Variants in TEX36 observed in about 807,000 individuals in gnomAD.
TEX36 encodes testis-expressed protein 36.
A neutral mutation model predicts 13.6 loss-of-function variants in TEX36; 12 were observed. The ratio of observed to expected loss-of-function variants is 0.88; its 90% CI spans 0.56 to 1.43. The LOEUF is 1.43. Among genes scored for constraint, TEX36 ranks in the 40% most tolerant of loss-of-function variants. The pLI is 0.00. For synonymous variants in TEX36, 93 were observed against 83.0 expected, an observed-to-expected ratio of 1.12 and a Z score of -0.65; for missense variants, 224 against 228.3, an observed-to-expected ratio of 0.98 and a Z score of 0.12.
chr10:125,594,296 T>A (rs1404166151), intron 3 of TEX36, among the ~76,000 whole-genome samples: 2 of 152,232 alleles, frequency 1.3e-5, no homozygotes, highest in African/African-American at 4.8e-5. Flanking sequence ...AAGCATTTTT[T>A]AAATGTCCCA....
In TEX36 at chr10:125,601,891, C is replaced by T. The variant is rs77109073; in HGVS notation, c.265-25017G>A. 2.7e-4 allele frequency among the ~76,000 whole-genome samples: 41 copies of T among 152,306 alleles called. 1 individual carries two copies. In the East Asian group the frequency reaches 7.0e-3, roughly 26 times the overall value. On this transcript the variant is annotated intron_variant, in intron 3 of 3. Coordinates refer to the TEX36 transcript ENST00000532135. ...TCCACACATTGTGCACTGGGGTCCTCGCCCTGGACAAGGTCCAGAGGCAGC... is the reference window on the plus strand; with the variant it reads ...TCCACACATTGTGCACTGGGGTCCTTGCCCTGGACAAGGTCCAGAGGCAGC...
intron 1 of TEX36, among the ~76,000 whole-genome samples, chr10:125,662,252 G>C (rs1348764855): frequency 6.6e-6 from 1 of 152,174 alleles, no homozygotes; most frequent in Non-Finnish European, 1.5e-5. Flanking sequence ...AGGAGGGTGT[G>C]GTCCTCAGTG....
At chr10:125,626,386 T>G (rs536817575) in intron 3 of TEX36, among the ~76,000 whole-genome samples, 27 of 152,300 alleles carry the variant, frequency 1.8e-4, no homozygotes, top group Non-Finnish European at 3.2e-4. Context: ...GTTGACAGAA[T>G]AGTCATTAAC....
At chr10:125,639,603 G>C (rs1170456755) in intron 3 of TEX36, among the ~76,000 whole-genome samples, 1 of 151,836 alleles carries the variant, frequency 6.6e-6, no homozygotes, top group Non-Finnish European at 1.5e-5. Flanking sequence ...GGGGCAATGT[G>C]GGGGGGTGGG....
In TEX36 at chr10:125,667,918, C is replaced by T. The variant is rs1013434268; in HGVS notation, c.52-5941G>A. ...CGATGTCAGACAGCTCCTTCTTCTGCTCCAGGGTCAATGCTGGATATCGGT... is the reference window on the plus strand; with the variant it reads ...CGATGTCAGACAGCTCCTTCTTCTGTTCCAGGGTCAATGCTGGATATCGGT... On this transcript the variant is annotated intron_variant, in intron 1 of 3. Transcript: ENST00000368821. 9.1e-6 allele frequency: 12 copies of T among 1,314,652 alleles called. No homozygotes were observed. The Admixed American group carries it at 1.0e-4, about 11-fold the overall frequency. The allele number at this position is 1,314,652 out of a possible 1,614,324, so 81.4% of individuals were successfully genotyped here.
At chr10:125,623,579 GAA>G (rs531089481) in intron 3 of TEX36, among the ~76,000 whole-genome samples, 33 of 94,136 alleles carry the variant, frequency 3.5e-4, no homozygotes, top group East Asian at 8.6e-4. Context: ...GTTTCCAAAT[GAA>G]AAAAAAAAAA....
intron 1 of TEX36, among the ~76,000 whole-genome samples, chr10:125,675,523 G>A (rs143323455): frequency 6.6e-6 from 1 of 152,176 alleles, no homozygotes; most frequent in African/African-American, 2.4e-5. Context: ...AGGCCCTGGT[G>A]GTGTGGGCTC....
downstream of TEX36, among the ~76,000 whole-genome samples, chr10:125,650,795 T>TA (rs772367480): frequency 5.3e-4 from 80 of 151,838 alleles, no homozygotes; most frequent in Non-Finnish European, 1.0e-3. Flanking sequence ...ATAGATACAA[T>TA]AAAAAATGAT....
downstream of TEX36, among the ~76,000 whole-genome samples, chr10:125,619,840 C>T (rs949631862): frequency 3.9e-5 from 6 of 151,906 alleles, no homozygotes; most frequent in Non-Finnish European, 7.4e-5. Context: ...CAGGCGTGAG[C>T]CACCTCGCCC....
Position 125,661,090 on chromosome 10 carries a change from A to T in TEX36, c.195T>A (p.Asn65Lys). 1 of 1,551,962 alleles carries T rather than the reference A, an allele frequency of 6.4e-7. No individual in the cohort carries two copies. Among genetic ancestry groups the T allele is most frequent in the Non-Finnish European group, 8.7e-7 (1 of 1,147,014 alleles). ...IYKVREKQAV[N>K]NQFPFSVHDN... Reference sequence around the variant, plus strand: ...CATGCACGGAGAAGGGGAACTGGTTATTCACTGCTTGCTGGAAAAGTGGGA... The same window carrying T: ...CATGCACGGAGAAGGGGAACTGGTTTTTCACTGCTTGCTGGAAAAGTGGGA... The change falls in exon 3 of 4, where the codon AAT becomes AAA. Residue 65 changes from asparagine (N) to lysine (K), a missense_variant. Transcript: ENST00000368821.
At chr10:125,583,243 T>C (rs900615895) in intron 3 of TEX36, among the ~76,000 whole-genome samples, 3 of 152,244 alleles carry the variant, frequency 2.0e-5, no homozygotes, top group African/African-American at 7.2e-5. Flanking sequence ...AGTTCATTTG[T>C]GCTGCCATAA....
At chr10:125,630,830 G>C (rs11244589) in intron 3 of TEX36, among the ~76,000 whole-genome samples, 1 of 152,082 alleles carries the variant, frequency 6.6e-6, no homozygotes, top group Non-Finnish European at 1.5e-5. Context: ...GAAGTCCTGA[G>C]AGAGGAAATT....
intron 3 of TEX36, among the ~76,000 whole-genome samples, chr10:125,602,963 G>C (rs1846167553): frequency 1.3e-5 from 2 of 152,220 alleles, no homozygotes; most frequent in East Asian, 3.9e-4. Flanking sequence ...TGCCGTTCCA[G>C]TTCTGTCCTC....
At chr10:125,669,475 T>C (rs1201858908) in intron 1 of TEX36, among the ~76,000 whole-genome samples, 1 of 151,300 alleles carries the variant, frequency 6.6e-6, no homozygotes, top group South Asian at 2.1e-4. Context: ...AGTGAAACTT[T>C]GTCTCAAAAA....
intron 1 of TEX36, among the ~76,000 whole-genome samples, chr10:125,678,753 C>T (rs955472142): frequency 1.3e-5 from 2 of 151,918 alleles, no homozygotes; most frequent in Non-Finnish European, 1.5e-5. Context: ...GAGTTTAGGC[C>T]CAATCTGAGT....
chr10:125,611,309 G>T (rs937256456), intron 3 of TEX36, among the ~76,000 whole-genome samples: 5 of 152,090 alleles, frequency 3.3e-5, no homozygotes, highest in African/African-American at 1.2e-4. Context: ...TTGCCCTCCA[G>T]AAAAATTGTA....
chr10:125,679,340 A>C (rs1847360606), intron 1 of TEX36, among the ~76,000 whole-genome samples: 1 of 151,934 alleles, frequency 6.6e-6, no homozygotes, highest in African/African-American at 2.4e-5. Context: ...AGTTTCCATA[A>C]TGCCTCAGTC....
chr10:125,636,778 A>G lies in TEX36; in HGVS notation c.265-15133T>C, dbSNP rs1026908691. Among the ~76,000 whole-genome samples the G allele has an allele frequency of 3.9e-5, 6 of 152,240 alleles. No individual in the cohort carries two copies. The East Asian group carries it at 7.7e-4, about 20-fold the overall frequency. On this transcript the variant is annotated intron_variant, in intron 3 of 3. Coordinates refer to the TEX36 transcript ENST00000526819. The stretch of plus-strand genomic sequence containing the variant: ...CGCTGTACTTGTGTGTGGGTGAGCT[A>G]AGAACACTCAGCGTGAGATGCGTCC...
At chr10:125,625,493 T>A (rs1408110124) in intron 3 of TEX36, among the ~76,000 whole-genome samples, 1 of 152,230 alleles carries the variant, frequency 6.6e-6, no homozygotes, top group Non-Finnish European at 1.5e-5. Flanking sequence ...AAAATGTTAG[T>A]TTCCATCTGG....
Sources: allele counts gnomAD v4.1 joint callset (sites outside exome capture counted in the v4.1 genomes callset), GRCh38; gene constraint gnomAD v4.1.1; transcripts MANE v1.5; gene names NCBI Gene and HGNC (gene_info 2026-07-23, HGNC 2026-07-21).